The following SESN1 variants were observed in gnomAD, a reference collection of about 807,000 sequenced individuals.
SESN1 encodes the protein sestrin-1.
Under a neutral mutation model 59.3 loss-of-function variants are expected in SESN1, and 30 were observed. The ratio of observed to expected loss-of-function variants is 0.51; its 90% confidence interval spans 0.38 to 0.69. The LOEUF (loss-of-function observed/expected upper bound fraction) is 0.69. Among genes scored for constraint, SESN1 ranks in the 30% least tolerant of loss-of-function variants. The pLI, the probability that SESN1 is intolerant of heterozygous loss-of-function variation, is 0.00. For missense variants in SESN1, 566 were observed against 673.0 expected, an observed-to-expected ratio of 0.84 and a Z score of 1.76; for synonymous variants, 197 against 219.9, an observed-to-expected ratio of 0.90 and a Z score of 0.92.
intron 1 of SESN1, among the ~76,000 whole-genome samples, chr6:109,082,734 G>A (rs1163029405): frequency 1.3e-5 from 2 of 152,194 alleles, no homozygotes. Flanking sequence ...CCTATGACAC[G>A]ATGTATTAAA....
intron 1 of SESN1, among the ~76,000 whole-genome samples, chr6:109,046,189 C>G (rs1218767479): frequency 6.6e-6 from 1 of 151,022 alleles, no homozygotes. Flanking sequence ...ACTGCAACCT[C>G]CCTGCCTGAT....
chr6:109,049,132 T>A (rs576350108), intron 1 of SESN1, among the ~76,000 whole-genome samples: 1 of 151,692 alleles, frequency 6.6e-6, no homozygotes, highest in African/African-American at 2.4e-5. Flanking sequence ...AAAGTTGGTA[T>A]CAAAAAAAAG....
chr6:108,994,096 C>T lies in SESN1; in HGVS notation c.1120+366G>A, dbSNP rs181809790. On this transcript the variant is annotated intron_variant, in intron 6 of 9. Coordinates refer to ENST00000436639, the MANE Select transcript of SESN1 (RefSeq NM_014454.3). ...CTCAGGTTACAGTGAGCTACAATCA[C>T]GCCACTGCACTTCAGCCTGGCAACA... Among the ~76,000 whole-genome samples, 593 of 146,418 alleles carry T rather than the reference C, an allele frequency of 4.1e-3. 3 individuals are homozygous for T. The highest frequency in any genetic ancestry group is 0.028 in the Middle Eastern group (8 of 290).
intron 9 of SESN1, 92 bp from the exon 10 acceptor site, chr6:108,987,722 A>G (rs1236692101): frequency 9.1e-6 from 6 of 659,718 alleles, no homozygotes; most frequent in Non-Finnish European, 1.6e-5. Context: ...AAATAAGTAC[A>G]CTTCCTACAC....
At chr6:109,072,301 A>G (rs963186873) in intron 1 of SESN1, among the ~76,000 whole-genome samples, 22 of 152,338 alleles carry the variant, frequency 1.4e-4, no homozygotes, top group Non-Finnish European at 2.9e-4. Context: ...TAGGTTATCT[A>G]TGTGTGAATT....
intron 1 of SESN1, among the ~76,000 whole-genome samples, chr6:109,038,760 G>A (rs11153155): frequency 0.1 from 15,207 of 152,156 alleles, 926 homozygotes; most frequent in Middle Eastern, 0.19. Context: ...CATAAGTTAA[G>A]TGTATGAATG....
intron 1 of SESN1, among the ~76,000 whole-genome samples, chr6:109,048,061 C>T (rs1432184038): frequency 6.7e-6 from 1 of 149,532 alleles, no homozygotes; most frequent in Admixed American, 6.6e-5. Context: ...GCCAAATCCC[C>T]CTCTGTGAGA....
At chr6:109,047,536 C>T (rs1363754137) in intron 1 of SESN1, among the ~76,000 whole-genome samples, 293 of 132,672 alleles carry the variant, frequency 2.2e-3, no homozygotes, top group African/African-American at 7.5e-3. Context: ...TCTGCCCGGC[C>T]GCCCCTACTG....
At position 108,987,554 on chromosome 6, in the gene SESN1, TAGC is replaced by T. The variant is rs762004156; in HGVS notation, c.1643_1645del (p.Arg548_Tyr549delinsHis). On this transcript the variant is annotated inframe_deletion, in exon 10 of 10. Coordinates refer to ENST00000436639, the MANE Select transcript of SESN1 (RefSeq NM_014454.3). The stretch of plus-strand genomic sequence containing the variant: ...AATGAAGGAAAGGCATCAGGTCATA[TAGC>T]GGGTAATGGCTCTCAGAGCATAAAG... 3.8e-6 allele frequency: 6 copies of T among 1,583,572 alleles called. No individual in the cohort carries two copies. The highest frequency in any genetic ancestry group is 5.2e-6 in the Non-Finnish European group (6 of 1,152,796).
intron 1 of SESN1, among the ~76,000 whole-genome samples, chr6:109,039,888 G>A (rs1016282330): frequency 6.6e-5 from 10 of 152,206 alleles, no homozygotes; most frequent in African/African-American, 2.4e-4. Flanking sequence ...AGCAGGATGG[G>A]AGAGAGGAGA....
intron 7 of SESN1, among the ~76,000 whole-genome samples, chr6:108,991,873 T>C (rs1779392475): frequency 6.6e-6 from 1 of 152,190 alleles, no homozygotes; most frequent in East Asian, 1.9e-4. Context: ...CTTGAAGCTC[T>C]CAGCAGCCAA....
chr6:109,048,937 TC>T (rs1336711436), intron 1 of SESN1, among the ~76,000 whole-genome samples: 1 of 152,220 alleles, frequency 6.6e-6, no homozygotes, highest in Non-Finnish European at 1.5e-5. Flanking sequence ...AACAATGGTT[TC>T]CTTCTCTGTT....
At chr6:109,025,852 A>G (rs1276176051) in intron 1 of SESN1, among the ~76,000 whole-genome samples, 1 of 152,122 alleles carries the variant, frequency 6.6e-6, no homozygotes, top group Non-Finnish European at 1.5e-5. Context: ...TCTAATACAT[A>G]TATAATTGGA....
chr6:109,000,597 T>C lies in SESN1; in HGVS notation c.623A>G (p.Lys208Arg), dbSNP rs776948785. 1.5e-5 allele frequency: 24 copies of C among 1,612,474 alleles called. No homozygotes were observed. The highest frequency in any genetic ancestry group is 2.0e-5 in the Non-Finnish European group (23 of 1,179,158). ...AGCATTCTCTAAACCATTGAGCCAC[T>C]TGGGGTCCCCACCAACATGAAGGAA... ...NDFLHVGGDP[K>R]WLNGLENAPQ... The change falls in exon 4 of 10, where the codon AAG becomes AGG. Residue 208 changes from lysine (K) to arginine (R), a missense_variant. Lys to Arg is a conservative substitution (Grantham distance 26). Coordinates refer to ENST00000436639, the MANE Select transcript of SESN1 (RefSeq NM_014454.3).
rs148135886 is a variant in SESN1, at chr6:109,066,385, T to C, written c.279+27410A>G. On this transcript the variant is annotated intron_variant, in intron 1 of 9. Transcript: ENST00000436639. ...GAGCAGTAGGGGAAGAGGGTTATTA[T>C]TTCTCTTTGTCTCCCTGCAGTGAAT... 5.5e-4 allele frequency among the ~76,000 whole-genome samples: 84 copies of C among 152,114 alleles called. No homozygotes were observed. In the East Asian group the frequency reaches 0.015, roughly 28 times the overall value.
intron 9 of SESN1, 144 bp downstream of exon 9, chr6:108,988,399 G>T: frequency 1.6e-6 from 1 of 621,730 alleles, no homozygotes. Context: ...CCCTTCTGAA[G>T]GGGTACCTGA....
intron 1 of SESN1, among the ~76,000 whole-genome samples, chr6:109,033,074 G>GA (rs1209868889): frequency 2.0e-5 from 3 of 152,130 alleles, no homozygotes; most frequent in Non-Finnish European, 4.4e-5. Context: ...GGATTCAGAG[G>GA]AGGGGAAAAA....
chr6:108,988,684 A>C lies in SESN1; in HGVS notation c.1428T>G (p.Tyr476Ter), dbSNP rs146939598. The change falls in exon 9 of 10, where the codon TAT becomes TAG. Residue 476 changes from tyrosine to a stop codon, truncating the protein, a stop_gained. Transcript: ENST00000436639. LOFTEE classifies it high-confidence loss of function. ...NYIHCMFGIRYDDYDYGEINQ... is the reference protein window; with the variant it reads ...NYIHCMFGIR ...TAATTTCACCATAGTCATAATCATC[A>C]TATCTGTTGAAAGACATAATGAGAA... is the stretch of plus-strand genomic sequence containing the variant. 20 of 1,600,682 alleles carry C rather than the reference A, an allele frequency of 1.2e-5. No homozygotes were observed. The highest frequency in any genetic ancestry group is 1.6e-5 in the Non-Finnish European group (19 of 1,174,176).
chr6:109,011,478 T>G (rs1779856786), intron 1 of SESN1, among the ~76,000 whole-genome samples: 1 of 152,172 alleles, frequency 6.6e-6, no homozygotes, highest in Non-Finnish European at 1.5e-5. Flanking sequence ...CTATAAAGAC[T>G]GACCTAAATT....
Sources: gnomAD v4.1 joint callset for allele counts (sites outside exome capture counted in the v4.1 genomes callset) on GRCh38, gnomAD v4.1.1 for gene constraint, MANE v1.5 for transcripts, NCBI Gene and HGNC (gene_info 2026-07-23, HGNC 2026-07-21) for gene names.